STPG2: variants seen among roughly 807,000 people sequenced by gnomAD.
STPG2 encodes sperm tail PG-rich repeat containing 2, also known as sperm-tail PG-rich repeat-containing protein 2.
STPG2 carries 56 observed loss-of-function variants against 54.2 expected under a neutral mutation model. The ratio of observed to expected loss-of-function variants is 1.03; its 90% CI spans 0.83 to 1.29. The LOEUF (loss-of-function observed/expected upper bound fraction) is 1.29. Among genes scored for constraint, STPG2 ranks in the 50% most tolerant of loss-of-function variants. The pLI is 0.00. For synonymous variants in STPG2, 200 were observed against 181.8 expected (o/e 1.10, Z -0.81); for missense variants, 596 against 544.9 (o/e 1.09, Z -0.93).
At chr4:97,758,609 T>A (rs1201225721) in intron 9 of STPG2, among the ~76,000 whole-genome samples, 4 of 151,804 alleles carry the variant, frequency 2.6e-5, no homozygotes, top group African/African-American at 9.7e-5. Context: ...ATATCACACA[T>A]CAGGGCCTGT....
chr4:98,030,740 C>A (rs965196396), intron 5 of STPG2, among the ~76,000 whole-genome samples: 2 of 152,118 alleles, frequency 1.3e-5, no homozygotes, highest in African/African-American at 4.8e-5. Flanking sequence ...CACACACCTA[C>A]AACTATCTGA....
chr4:98,051,606 T>C (rs1414115669), intron 5 of STPG2, among the ~76,000 whole-genome samples: 2 of 152,088 alleles, frequency 1.3e-5, no homozygotes, highest in African/African-American at 4.8e-5. Flanking sequence ...TGTGCTATGC[T>C]CTTCAACTTC....
At chr4:97,545,304 C>T (rs1731810547) in intron 4 of STPG2, among the ~76,000 whole-genome samples, 2 of 152,084 alleles carry the variant, frequency 1.3e-5, no homozygotes, top group Non-Finnish European at 2.9e-5. Flanking sequence ...ACTAGAGAAG[C>T]ATTGGCTCAT....
intron 8 of STPG2, among the ~76,000 whole-genome samples, chr4:97,916,038 G>A (rs952874149): frequency 1.3e-5 from 2 of 152,108 alleles, no homozygotes; most frequent in African/African-American, 2.4e-5. Flanking sequence ...GACAGAACTC[G>A]GCAATCACTG....
rs145148998 is a variant in STPG2 at position 97,446,600 on chromosome 4, T to G, written c.463-258767A>C. Among the ~76,000 whole-genome samples, 639 of 152,218 alleles carry G rather than the reference T, an allele frequency of 4.2e-3. 3 individuals carry two copies. The highest frequency in any genetic ancestry group is 0.02 in the South Asian group (98 of 4,824). ...CCCATGTATCAAGGGAGGGACCAGG[T>G]GGGAGGTGATTGGATGATGGGTACG... On this transcript the variant is annotated intron_variant, in intron 4 of 4. Coordinates refer to the STPG2 transcript ENST00000522676.
chr4:97,817,922 A>ATT (rs1727963102), intron 9 of STPG2, among the ~76,000 whole-genome samples: 1 of 151,790 alleles, frequency 6.6e-6, no homozygotes, highest in Non-Finnish European at 1.5e-5. Context: ...TCTACTCAGA[A>ATT]TTATATATAT....
intron 5 of STPG2, among the ~76,000 whole-genome samples, chr4:97,986,600 G>T (rs1230456339): frequency 6.6e-6 from 1 of 152,090 alleles, no homozygotes; most frequent in African/African-American, 2.4e-5. Context: ...ACAGACTAAA[G>T]AAGACATTTC....
intron 8 of STPG2, 126 bp from the exon 9 acceptor site, chr4:97,841,058 T>G (rs556129845): frequency 2.2e-4 from 200 of 915,560 alleles, no homozygotes; most frequent in Non-Finnish European, 2.4e-4. Flanking sequence ...AATTAAACAT[T>G]AAAAATAGAA....
At chr4:97,459,597 G>A (rs560897802) in intron 4 of STPG2, among the ~76,000 whole-genome samples, 1 of 151,946 alleles carries the variant, frequency 6.6e-6, no homozygotes, top group South Asian at 2.1e-4. Context: ...CCACCACCAT[G>A]GCCGGCTAAT....
chr4:97,796,531 G>A (rs1026103869), intron 9 of STPG2, among the ~76,000 whole-genome samples: 24 of 152,240 alleles, frequency 1.6e-4, no homozygotes, highest in Non-Finnish European at 2.5e-4. Context: ...TATTATTTCT[G>A]AGGGCTCTGT....
chr4:97,913,391 C>T (rs867668332), intron 8 of STPG2, among the ~76,000 whole-genome samples: 2 of 152,198 alleles, frequency 1.3e-5, no homozygotes, highest in South Asian at 4.1e-4. Context: ...GTTTTGGATG[C>T]ATTAAAATTA....
At chr4:97,994,653 T>C (rs532161245) in intron 5 of STPG2, among the ~76,000 whole-genome samples, 101 of 152,256 alleles carry the variant, frequency 6.6e-4, no homozygotes, top group African/African-American at 2.2e-3. Context: ...ATGTGACCCA[T>C]CTTCAGGTCT....
chr4:97,626,892 T>C (rs1324350085), intron 10 of STPG2, among the ~76,000 whole-genome samples: 1 of 152,158 alleles, frequency 6.6e-6, no homozygotes, highest in Non-Finnish European at 1.5e-5. Flanking sequence ...AAAGATCTTA[T>C]GACTACAGGT....
rs1184853677 is a variant in STPG2 at position 97,688,447 on chromosome 4, C to T, written c.1320+24252G>A. ...AGTAGCGCAATCTCGGCTCACTGGA[C>T]GCTCTGCCTCCCGGGTTCACACCAT... On this transcript the variant is annotated intron_variant, in intron 10 of 10. Coordinates refer to ENST00000295268, the MANE Select transcript of STPG2 (RefSeq NM_174952.3). Among the ~76,000 whole-genome samples, 8 of 152,110 alleles carry T rather than the reference C, an allele frequency of 5.3e-5. No homozygotes were observed. In the East Asian group the frequency reaches 5.8e-4, roughly 11 times the overall value.
downstream of STPG2, among the ~76,000 whole-genome samples, chr4:97,556,936 C>G (rs1344291624): frequency 6.6e-6 from 1 of 152,182 alleles, no homozygotes; most frequent in Non-Finnish European, 1.5e-5. Context: ...GTAATCCCAG[C>G]ACTTTGGGAG....
chr4:97,465,185 C>T (rs1237950859), intron 4 of STPG2, among the ~76,000 whole-genome samples: 1 of 152,098 alleles, frequency 6.6e-6, no homozygotes, highest in Non-Finnish European at 1.5e-5. Flanking sequence ...TCAAAATTAC[C>T]ATTGTACTTA....
chr4:97,713,066 C>T (rs1724182854), intron 9 of STPG2, among the ~76,000 whole-genome samples: 1 of 152,074 alleles, frequency 6.6e-6, no homozygotes, highest in African/African-American at 2.4e-5. Context: ...AAATAGTACT[C>T]CCTCAATATA....
intron 8 of STPG2, among the ~76,000 whole-genome samples, chr4:97,857,418 T>C (rs796674848): frequency 2.0e-5 from 3 of 152,312 alleles, no homozygotes; most frequent in African/African-American, 7.2e-5. Context: ...ATCTAATTAT[T>C]TCTTCTAGAA....
chr4:97,901,682 A>G (rs1231694729), intron 8 of STPG2, among the ~76,000 whole-genome samples: 1 of 152,002 alleles, frequency 6.6e-6, no homozygotes, highest in Non-Finnish European at 1.5e-5. Flanking sequence ...AGATACAAAT[A>G]AATGAAAAGA....
Sources: allele counts gnomAD v4.1 joint callset (sites outside exome capture counted in the v4.1 genomes callset), GRCh38; gene constraint gnomAD v4.1.1; transcripts MANE v1.5; gene names NCBI Gene and HGNC (gene_info 2026-07-23, HGNC 2026-07-21).